The following COPG2 variants were observed in gnomAD, a reference collection of about 807,000 sequenced individuals.
COPG2 encodes the protein coatomer subunit gamma-2.
In COPG2, 37 loss-of-function variants were observed where a neutral mutation model predicts 46.3. That is an observed-to-expected ratio of 0.80 (90% CI 0.61 to 1.05). The LOEUF (loss-of-function observed/expected upper bound fraction) is 1.05. Among genes scored for constraint, COPG2 ranks in the 50% least tolerant of loss-of-function variants. The probability of loss-of-function intolerance (pLI) is 0.00; values close to 1 mark genes in which losing one functional copy is unlikely to be tolerated. For synonymous variants in COPG2, 159 were observed against 129.7 expected (o/e 1.23, Z -1.53); for missense variants, 427 against 387.8 (o/e 1.10, Z -0.85).
chr7:130,509,304 G>A, intron 20 of COPG2: 1 of 513,068 alleles, frequency 1.9e-6, no homozygotes, highest in South Asian at 1.4e-5. Context: ...AATAAGAAAT[G>A]GAGGTGGGGG....
At chr7:130,624,190 G>C (rs980503824) in intron 5 of COPG2, among the ~76,000 whole-genome samples, 2 of 151,998 alleles carry the variant, frequency 1.3e-5, no homozygotes, top group African/African-American at 2.4e-5. Context: ...ACCCCCAAAG[G>C]CCTCACTTCC....
chr7:130,639,090 C>T (rs542832312), intron 5 of COPG2, among the ~76,000 whole-genome samples: 2 of 152,128 alleles, frequency 1.3e-5, no homozygotes, highest in African/African-American at 4.8e-5. Context: ...TGAGAAGAGC[C>T]GGGTACCTCG....
intron 5 of COPG2, among the ~76,000 whole-genome samples, chr7:130,634,319 C>T (rs76525728): frequency 6.6e-6 from 1 of 152,076 alleles, no homozygotes. Context: ...GGCAGTATGG[C>T]CATTTTCACA....
At chr7:130,655,577 C>G (rs563269078) in intron 4 of COPG2, among the ~76,000 whole-genome samples, 61 of 152,182 alleles carry the variant, frequency 4.0e-4, no homozygotes, top group African/African-American at 1.4e-3. Flanking sequence ...TCCTTCTCTC[C>G]CCGCCCCTCT....
At chr7:130,512,594 A>G (rs1799613455) in intron 20 of COPG2, among the ~76,000 whole-genome samples, 1 of 152,152 alleles carries the variant, frequency 6.6e-6, no homozygotes. Flanking sequence ...AGCCTGGCCA[A>G]GATGGTGAAA....
intron 9 of COPG2, among the ~76,000 whole-genome samples, chr7:130,567,729 G>C (rs1335979578): frequency 6.6e-6 from 1 of 152,126 alleles, no homozygotes; most frequent in Non-Finnish European, 1.5e-5. Context: ...ATAAATGAAG[G>C]AAAGATAAAG....
intron 5 of COPG2, among the ~76,000 whole-genome samples, chr7:130,641,694 A>C (rs1795492436): frequency 6.6e-6 from 1 of 152,220 alleles, no homozygotes; most frequent in Non-Finnish European, 1.5e-5. Flanking sequence ...GTTCTAAACC[A>C]TTTCCTGGCA....
chr7:130,640,422 G>C (rs2116199166), intron 5 of COPG2, among the ~76,000 whole-genome samples: 1 of 151,216 alleles, frequency 6.6e-6, no homozygotes, highest in Admixed American at 6.6e-5. Context: ...TTTTTGTCCA[G>C]GGTTGTTATT....
intron 9 of COPG2, among the ~76,000 whole-genome samples, chr7:130,592,976 A>G (rs1178777780): frequency 6.6e-6 from 1 of 152,252 alleles, no homozygotes; most frequent in African/African-American, 2.4e-5. Flanking sequence ...ATGTCATTAG[A>G]CTTCTATACA....
intron 20 of COPG2, among the ~76,000 whole-genome samples, chr7:130,538,408 C>T (rs1382484552): frequency 5.3e-5 from 8 of 151,828 alleles, no homozygotes; most frequent in South Asian, 2.1e-4. Context: ...GTACAGGGTC[C>T]GATGCAGAAA....
chr7:130,647,226 G>C (rs139757833), intron 5 of COPG2, among the ~76,000 whole-genome samples: 2,118 of 151,726 alleles, frequency 0.014, 61 homozygotes, highest in African/African-American at 0.048. Context: ...TTTTTATATG[G>C]GGTTTCCCCA....
chr7:130,626,477 C>G (rs1170724225), intron 5 of COPG2, among the ~76,000 whole-genome samples: 2 of 150,100 alleles, frequency 1.3e-5, no homozygotes, highest in African/African-American at 2.5e-5. Flanking sequence ...TCTCGAACAC[C>G]TGACCTCATG....
intron 1 of COPG2, 33 bp downstream of exon 1, chr7:130,668,599 G>A: frequency 1.3e-6 from 2 of 1,507,622 alleles, no homozygotes; most frequent in Non-Finnish European, 1.8e-6. Context: ...GCGTCCCGCG[G>A]CTGAGGGTGG....
chr7:130,531,528 T>C (rs961728658), intron 20 of COPG2, among the ~76,000 whole-genome samples: 1 of 151,714 alleles, frequency 6.6e-6, no homozygotes, highest in South Asian at 2.1e-4. Flanking sequence ...CTGAGAGTCC[T>C]ATCAGGTGGC....
At chr7:130,528,100 ACAGGAGGACC>A (rs1799790820) in intron 20 of COPG2, among the ~76,000 whole-genome samples, 1 of 151,866 alleles carries the variant, frequency 6.6e-6, no homozygotes, top group Non-Finnish European at 1.5e-5. Flanking sequence ...GGTGGGACTG[ACAGGAGGACC>A]CAGGAGGAGC....
intron 6 of COPG2, among the ~76,000 whole-genome samples, chr7:130,615,581 T>C (rs1289816381): frequency 1.3e-5 from 2 of 152,208 alleles, no homozygotes; most frequent in African/African-American, 4.8e-5. Context: ...CCAATAAAAT[T>C]TCATGTCAGG....
intron 5 of COPG2, among the ~76,000 whole-genome samples, chr7:130,640,243 T>C (rs1197146357): frequency 2.1e-5 from 3 of 141,172 alleles, no homozygotes; most frequent in East Asian, 4.6e-4. Flanking sequence ...CCACACCTAC[T>C]ATATAGTTCC....
intron 20 of COPG2, among the ~76,000 whole-genome samples, chr7:130,529,001 C>T (rs1468978340): frequency 1.3e-5 from 2 of 152,070 alleles, no homozygotes; most frequent in Non-Finnish European, 2.9e-5. Flanking sequence ...AAGATGCTGG[C>T]ACCTTGGAAA....
chr7:130,662,572 T>TC (rs1346331358), intron 4 of COPG2, among the ~76,000 whole-genome samples: 5 of 152,138 alleles, frequency 3.3e-5, no homozygotes, highest in African/African-American at 9.7e-5. Flanking sequence ...TATTCCTTAT[T>TC]CCCCTTCCCC....
Sources: allele counts gnomAD v4.1 joint callset (sites outside exome capture counted in the v4.1 genomes callset), GRCh38; gene constraint gnomAD v4.1.1; transcripts MANE v1.5; gene names NCBI Gene and HGNC (gene_info 2026-07-23, HGNC 2026-07-21).